The following ENTHD1 variants were observed in gnomAD, a reference collection of about 807,000 sequenced individuals.
ENTHD1 encodes ENTH domain containing 1.
A neutral mutation model predicts 39.1 loss-of-function variants in ENTHD1; 23 were observed. The ratio of observed to expected loss-of-function variants is 0.59; its 90% confidence interval spans 0.42 to 0.83. The LOEUF (loss-of-function observed/expected upper bound fraction) is 0.83. ENTHD1 is among the 40% of genes least tolerant of loss of function. The pLI, the probability that ENTHD1 is intolerant of heterozygous loss-of-function variation, is 0.00. For missense variants in ENTHD1, 624 were observed against 705.4 expected (o/e 0.88, Z 1.31); for synonymous variants, 230 against 258.2 (o/e 0.89, Z 1.05).
At chr22:39,886,743 T>G (rs1317818603) in intron 2 of ENTHD1, among the ~76,000 whole-genome samples, 3 of 152,126 alleles carry the variant, frequency 2.0e-5, no homozygotes, top group Non-Finnish European at 4.4e-5. Context: ...CATCTCAGGA[T>G]CCTATCCTTT....
chr22:39,804,075 G>T (rs1340206521), intron 5 of ENTHD1, among the ~76,000 whole-genome samples: 2 of 151,968 alleles, frequency 1.3e-5, no homozygotes, highest in Non-Finnish European at 2.9e-5. Context: ...GAGGCAAGAA[G>T]ATCCCTTGAG....
At chr22:39,883,003 C>CAAA (rs58964198) in intron 2 of ENTHD1, among the ~76,000 whole-genome samples, 128 of 48,102 alleles carry the variant, frequency 2.7e-3, no homozygotes, top group African/African-American at 3.9e-3. Context: ...GACTTCATCT[C>CAAA]AAAAAAAAAA....
intron 2 of ENTHD1, among the ~76,000 whole-genome samples, chr22:39,863,288 TTGGGG>T (rs1230876846): frequency 3.9e-5 from 6 of 152,036 alleles, no homozygotes; most frequent in Non-Finnish European, 8.8e-5. Flanking sequence ...AGGGGTACAG[TTGGGG>T]TGGGACAAGA....
At chr22:39,862,102 TCAG>T (rs2066146820) in intron 2 of ENTHD1, 95 bp from the exon 3 acceptor site, 1 of 1,041,512 alleles carries the variant, frequency 9.6e-7, no homozygotes, top group Non-Finnish European at 1.3e-6. Context: ...AATAAAAATC[TCAG>T]CAGTGAAAAA....
chr22:39,851,798 T>C (rs2066042475), intron 3 of ENTHD1, among the ~76,000 whole-genome samples: 1 of 152,202 alleles, frequency 6.6e-6, no homozygotes, highest in Admixed American at 6.5e-5. Context: ...ACTGTTCTTA[T>C]TTTATTTTAC....
chr22:39,891,929 AT>A (rs932801093), intron 1 of ENTHD1, among the ~76,000 whole-genome samples: 42 of 150,618 alleles, frequency 2.8e-4, no homozygotes, highest in Non-Finnish European at 3.6e-4. Context: ...CTCAAAAAAA[AT>A]TTTTTTTTTA....
At chr22:39,804,734 G>A (rs2065627197) in intron 5 of ENTHD1, among the ~76,000 whole-genome samples, 1 of 152,204 alleles carries the variant, frequency 6.6e-6, no homozygotes, top group Non-Finnish European at 1.5e-5. Flanking sequence ...AATCCCCAAG[G>A]CCCTTCCCCA....
At chr22:39,762,058 CA>C (rs1329110631) in intron 6 of ENTHD1, among the ~76,000 whole-genome samples, 3 of 152,158 alleles carry the variant, frequency 2.0e-5, no homozygotes, top group African/African-American at 7.2e-5. Context: ...CTCTAAAGAG[CA>C]CTGATTTTTG....
chr22:39,782,061 A>G (rs995863138), intron 5 of ENTHD1, among the ~76,000 whole-genome samples: 3 of 152,162 alleles, frequency 2.0e-5, no homozygotes, highest in African/African-American at 7.2e-5. Flanking sequence ...ATGAAGTGGG[A>G]GGATCACTTG....
chr22:39,800,273 G>A (rs943480946), intron 5 of ENTHD1, among the ~76,000 whole-genome samples: 7 of 152,148 alleles, frequency 4.6e-5, no homozygotes, highest in Non-Finnish European at 1.0e-4. Context: ...TCATTTCTCT[G>A]TTAAATTCCA....
chr22:39,763,366 G>T (rs557399840), intron 6 of ENTHD1, among the ~76,000 whole-genome samples: 2 of 152,230 alleles, frequency 1.3e-5, no homozygotes, highest in African/African-American at 4.8e-5. Flanking sequence ...GTTTTGAAAT[G>T]ACAAAAAGGT....
rs538362433 is a variant in ENTHD1, at chr22:39,869,607, C to A, written c.350-7600G>T. 7.3e-5 allele frequency among the ~76,000 whole-genome samples: 11 copies of A among 150,950 alleles called. No homozygotes were observed. The East Asian group carries it at 2.1e-3, about 29-fold the overall frequency. On this transcript the variant is annotated intron_variant, in intron 2 of 6. Coordinates refer to ENST00000325157, the MANE Select transcript of ENTHD1 (RefSeq NM_152512.4). The stretch of plus-strand genomic sequence containing the variant: ...CCAGGTAACAAACCTGCACATGTAC[C>A]CCTTGAATCTAAAATAAAAGTTAAA...
At chr22:39,888,264 T>TTTC (rs2066399464) in intron 1 of ENTHD1, among the ~76,000 whole-genome samples, 1 of 132,862 alleles carries the variant, frequency 7.5e-6, no homozygotes. Flanking sequence ...TTCTTTCTTT[T>TTTC]TTTTTTTTTT....
intron 1 of ENTHD1, among the ~76,000 whole-genome samples, chr22:39,888,715 C>T (rs1239541836): frequency 6.6e-6 from 1 of 152,096 alleles, no homozygotes; most frequent in Non-Finnish European, 1.5e-5. Context: ...CGTGAGCCAC[C>T]GCTTCCGGCC....
At chr22:39,888,969 G>A (rs972732867) in intron 1 of ENTHD1, among the ~76,000 whole-genome samples, 1 of 152,080 alleles carries the variant, frequency 6.6e-6, no homozygotes, top group Non-Finnish European at 1.5e-5. Flanking sequence ...AGAACTACAA[G>A]TCCCGAGAAT....
chr22:39,869,796 A>T (rs948906889), intron 2 of ENTHD1, among the ~76,000 whole-genome samples: 1 of 152,024 alleles, frequency 6.6e-6, no homozygotes, highest in Non-Finnish European at 1.5e-5. Flanking sequence ...ATTGACAACA[A>T]GGAATATAAA....
intron 4 of ENTHD1, among the ~76,000 whole-genome samples, chr22:39,830,512 G>T (rs2065861074): frequency 6.6e-6 from 1 of 152,094 alleles, no homozygotes; most frequent in Non-Finnish European, 1.5e-5. Flanking sequence ...AAGGCATCAG[G>T]AACAGAAAGT....
intron 1 of ENTHD1, among the ~76,000 whole-genome samples, chr22:39,889,118 G>T (rs923473512): frequency 2.0e-5 from 3 of 152,072 alleles, no homozygotes; most frequent in Admixed American, 2.0e-4. Context: ...AGATAAGCCT[G>T]GTAAATTAGA....
chr22:39,773,976 G>A (rs1033645109), intron 5 of ENTHD1, among the ~76,000 whole-genome samples: 6 of 152,228 alleles, frequency 3.9e-5, no homozygotes, highest in Non-Finnish European at 7.3e-5. Flanking sequence ...ACAATGTGCT[G>A]TGTGGTAGTG....
Sources: gnomAD v4.1 joint callset for allele counts (sites outside exome capture counted in the v4.1 genomes callset) on GRCh38, gnomAD v4.1.1 for gene constraint, MANE v1.5 for transcripts, NCBI Gene and HGNC (gene_info 2026-07-23, HGNC 2026-07-21) for gene names.